The following ATL2 variants were observed in gnomAD, a reference collection of about 807,000 sequenced individuals.
The protein encoded by ATL2 is atlastin GTPase 2, also known as atlastin-2.
ATL2 carries 31 observed loss-of-function variants against 73.9 expected under a neutral mutation model. The ratio of observed to expected loss-of-function variants is 0.42; its 90% confidence interval spans 0.32 to 0.57. The LOEUF (loss-of-function observed/expected upper bound fraction) is 0.57, where lower values mean the gene tolerates loss of function less well. Among genes scored for constraint, ATL2 ranks in the 20% least tolerant of loss-of-function variants. The probability of loss-of-function intolerance (pLI) is 0.14; values close to 1 mark genes in which losing one functional copy is unlikely to be tolerated. For missense variants in ATL2, 738 were observed against 702.6 expected (o/e 1.05, Z -0.57); for synonymous variants, 291 against 237.5 (o/e 1.23, Z -2.07).
chr2:38,374,156 T>G lies in ATL2; in HGVS notation c.118+2987A>C, dbSNP rs779182771. Among the ~76,000 whole-genome samples, 13 of 152,126 alleles carry G rather than the reference T, an allele frequency of 8.5e-5. 1 individual carries two copies. Among genetic ancestry groups the G allele is most frequent in the Non-Finnish European group, 1.6e-4 (11 of 68,030 alleles). ...TCCACCTGCCTCGGCCTCCGAAAAG[T>G]GCTGGGATTACAGGCGTGAGCCACC... On this transcript the variant is annotated intron_variant, in intron 1 of 12. Coordinates refer to ENST00000378954, the MANE Select transcript of ATL2 (RefSeq NM_001135673.4).
intron 1 of ATL2, among the ~76,000 whole-genome samples, chr2:38,346,269 G>A (rs926362628): frequency 2.0e-5 from 3 of 152,006 alleles, no homozygotes; most frequent in African/African-American, 7.3e-5. Flanking sequence ...CATCTAACTG[G>A]TTTCCCTTCA....
chr2:38,323,645 A>T (rs1558409372), intron 2 of ATL2, among the ~76,000 whole-genome samples: 1 of 152,220 alleles, frequency 6.6e-6, no homozygotes, highest in Non-Finnish European at 1.5e-5. Context: ...AAGGAAAGGT[A>T]TACTCCCTAG....
intron 2 of ATL2, among the ~76,000 whole-genome samples, chr2:38,324,232 C>A (rs1558410036): frequency 6.6e-6 from 1 of 152,164 alleles, no homozygotes; most frequent in African/African-American, 2.4e-5. Context: ...GAGCCAAGAT[C>A]GCGCCATTGC....
chr2:38,295,970 T>G lies in ATL2; in HGVS notation c.*24A>C, dbSNP rs1171687697. 4.7e-6 allele frequency: 7 copies of G among 1,494,134 alleles called. No homozygotes were observed. The Admixed American group carries it at 1.1e-4, about 23-fold the overall frequency. The allele number at this position is 1,494,134 out of a possible 1,614,324, so 92.6% of individuals were successfully genotyped here. ...CAGCAAGCATGAAAAAAAAAGAGAG[T>G]GGAGTCCGTGAGGAGATGAACTGTC... On this transcript the variant is annotated 3_prime_UTR_variant, in exon 13 of 13. Coordinates refer to ENST00000378954, the MANE Select transcript of ATL2 (RefSeq NM_001135673.4).
chr2:38,376,899 C>T (rs933181853), intron 1 of ATL2, among the ~76,000 whole-genome samples: 2 of 150,574 alleles, frequency 1.3e-5, no homozygotes, highest in Non-Finnish European at 3.0e-5. Flanking sequence ...GTCGCAGACG[C>T]GCGCGCCACT....
intron 2 of ATL2, among the ~76,000 whole-genome samples, chr2:38,334,028 CTTTTT>C (rs34303299): frequency 8.2e-6 from 1 of 121,654 alleles, no homozygotes; most frequent in Non-Finnish European, 1.7e-5. Flanking sequence ...ATCCAATCCT[CTTTTT>C]TTTTTTTTTT....
At chr2:38,311,625 T>C (rs867143128) in intron 7 of ATL2, among the ~76,000 whole-genome samples, 1 of 152,154 alleles carries the variant, frequency 6.6e-6, no homozygotes, top group South Asian at 2.1e-4. Flanking sequence ...TGTGATTCCA[T>C]CCACATAAAG....
chr2:38,325,696 CAGT>C (rs1558412047), intron 2 of ATL2, among the ~76,000 whole-genome samples: 12 of 4,050 alleles, frequency 3.0e-3, no homozygotes, highest in South Asian at 8.9e-3. Flanking sequence ...ACACACACAC[CAGT>C]ACACACACAC....
chr2:38,360,128 CAAAAAAAA>C (rs755582696), intron 1 of ATL2, among the ~76,000 whole-genome samples: 46 of 81,962 alleles, frequency 5.6e-4, no homozygotes, highest in African/African-American at 8.0e-4. Context: ...GGCTCCATTT[CAAAAAAAA>C]AAAAAAAAAA....
intron 1 of ATL2, among the ~76,000 whole-genome samples, chr2:38,358,182 A>C (rs548673668): frequency 4.0e-4 from 61 of 152,296 alleles, no homozygotes; most frequent in Non-Finnish European, 7.9e-4. Flanking sequence ...AGTGTCATTC[A>C]TTTAATTCTA....
intron 2 of ATL2, among the ~76,000 whole-genome samples, chr2:38,331,081 G>C (rs1393481104): frequency 6.6e-6 from 1 of 151,966 alleles, no homozygotes; most frequent in East Asian, 1.9e-4. Context: ...CAGATTGCCT[G>C]AGCGCAGGAG....
intron 2 of ATL2, among the ~76,000 whole-genome samples, chr2:38,325,898 TGTTTGTTTAAAAAAAAAAA>T (rs57815716): frequency 0.37 from 51,957 of 138,594 alleles, 9,469 homozygotes; most frequent in South Asian, 0.47. Flanking sequence ...TTTGTTTGTT[TGTTTGTTTAAAAAAAAAAA>T]AAAAAAAAAA....
intron 1 of ATL2, among the ~76,000 whole-genome samples, chr2:38,363,126 T>G (rs17022616): frequency 0.13 from 19,086 of 152,042 alleles, 3,528 homozygotes; most frequent in African/African-American, 0.41. Context: ...CATAAAGGAG[T>G]ACACTGAAGC....
intron 2 of ATL2, among the ~76,000 whole-genome samples, chr2:38,342,419 C>T (rs890207265): frequency 6.6e-6 from 1 of 151,928 alleles, no homozygotes. Context: ...CAGGGAAGGC[C>T]CCCATGAAAA....
At chr2:38,321,517 T>C (rs1327160977) in intron 2 of ATL2, among the ~76,000 whole-genome samples, 5 of 152,136 alleles carry the variant, frequency 3.3e-5, no homozygotes, top group African/African-American at 9.7e-5. Context: ...ATCCTGCCCC[T>C]TGACTACATA....
At chr2:38,314,898 T>C (rs1320213824) in intron 5 of ATL2, among the ~76,000 whole-genome samples, 2 of 152,214 alleles carry the variant, frequency 1.3e-5, no homozygotes, top group Admixed American at 6.5e-5. Flanking sequence ...GGCTTCCAAG[T>C]GTAAATTCAT....
intron 2 of ATL2, among the ~76,000 whole-genome samples, chr2:38,327,762 C>A (rs1162459553): frequency 6.6e-6 from 1 of 152,054 alleles, no homozygotes; most frequent in Non-Finnish European, 1.5e-5. Context: ...ATGGGGAAAC[C>A]CCGTCTCTAT....
intron 2 of ATL2, among the ~76,000 whole-genome samples, chr2:38,329,913 G>C (rs1379531846): frequency 6.6e-6 from 1 of 152,062 alleles, no homozygotes; most frequent in Non-Finnish European, 1.5e-5. Flanking sequence ...CAGAATACCT[G>C]AGGTCAGGAG....
At chr2:38,298,697 C>A (rs1342583193) in intron 11 of ATL2, 122 bp from the exon 12 acceptor site, 13 of 955,540 alleles carry the variant, frequency 1.4e-5, no homozygotes, top group Non-Finnish European at 2.0e-5. Context: ...GTTTTAAACT[C>A]ACTTACAATA....
Sources: gnomAD v4.1 joint callset for allele counts (sites outside exome capture counted in the v4.1 genomes callset) on GRCh38, gnomAD v4.1.1 for gene constraint, MANE v1.5 for transcripts, NCBI Gene and HGNC (gene_info 2026-07-23, HGNC 2026-07-21) for gene names.